Variants in CREB5 observed in about 807,000 individuals in gnomAD.
CREB5 encodes cAMP responsive element binding protein 5.
CREB5 carries 19 observed loss-of-function variants against 57.1 expected under a neutral mutation model. The ratio of observed to expected loss-of-function variants is 0.33; its 90% CI spans 0.23 to 0.49. The LOEUF is 0.49. CREB5 is among the 20% of genes least tolerant of loss of function. The pLI is 0.99. For missense variants in CREB5, 579 were observed against 671.6 expected (o/e 0.86, Z 1.52); for synonymous variants, 238 against 238.3 (o/e 1.00, Z 0.01).
intron 1 of CREB5, among the ~76,000 whole-genome samples, chr7:28,303,282 T>C (rs972639771): frequency 2.0e-5 from 3 of 152,246 alleles, no homozygotes; most frequent in African/African-American, 7.2e-5. Flanking sequence ...TTCATAGGCA[T>C]AATTTTTGAG....
At chr7:28,611,685 T>G (rs1290103959) in intron 5 of CREB5, among the ~76,000 whole-genome samples, 1 of 144,964 alleles carries the variant, frequency 6.9e-6, no homozygotes, top group East Asian at 2.1e-4. Context: ...AATAAATAAA[T>G]AAATAAATAA....
intron 1 of CREB5, among the ~76,000 whole-genome samples, chr7:28,330,726 G>A (rs373147626): frequency 9.6e-4 from 146 of 152,116 alleles, no homozygotes; most frequent in South Asian, 7.7e-3. Flanking sequence ...ATTTTCCTTC[G>A]TGGTACAAAT....
intron 4 of CREB5, among the ~76,000 whole-genome samples, chr7:28,531,559 C>A (rs980900591): frequency 6.6e-6 from 1 of 152,278 alleles, no homozygotes; most frequent in African/African-American, 2.4e-5. Flanking sequence ...TCTGTGATGA[C>A]CCTGTTGCCA....
At chr7:28,341,216 A>G (rs1227602261) in intron 1 of CREB5, among the ~76,000 whole-genome samples, 1 of 152,030 alleles carries the variant, frequency 6.6e-6, no homozygotes, top group East Asian at 1.9e-4. Flanking sequence ...CACCTCCTCT[A>G]GTTTCTACTT....
intron 1 of CREB5, among the ~76,000 whole-genome samples, chr7:28,464,496 C>CGTGTGT (rs71555745): frequency 0.071 from 9,897 of 139,508 alleles, 511 homozygotes; most frequent in African/African-American, 0.14. Flanking sequence ...TGGAAAGTTG[C>CGTGTGT]GTGTGTGTGT....
intron 1 of CREB5, among the ~76,000 whole-genome samples, chr7:28,430,258 T>G (rs1788663120): frequency 6.6e-6 from 1 of 152,212 alleles, no homozygotes; most frequent in South Asian, 2.1e-4. Context: ...ATAGTTAACA[T>G]TGCTGTGGGA....
chr7:28,633,368 CAT>C lies in CREB5; in HGVS notation c.464+62832_464+62833del, dbSNP rs757871943. Among the ~76,000 whole-genome samples the C allele has an allele frequency of 3.4e-5, 3 of 89,534 alleles. No homozygotes were observed. In the Admixed American group the frequency reaches 3.4e-4, roughly 10 times the overall value. 58.7% of individuals were successfully genotyped at this position (89,534 alleles called of 152,430 possible). On this transcript the variant is annotated intron_variant, in intron 5 of 10. Transcript: ENST00000357727. ...AGTTTAAACCAAGGATTCAATCATT[CAT>C]GTGTGTGTGTGTGTGTGTGTGTCTG...
chr7:28,719,975 G>T (rs139767526), intron 6 of CREB5, among the ~76,000 whole-genome samples: 7 of 152,154 alleles, frequency 4.6e-5, no homozygotes, highest in Non-Finnish European at 8.8e-5. Flanking sequence ...CAGGAGAATC[G>T]CTTGAACCCG....
intron 5 of CREB5, among the ~76,000 whole-genome samples, chr7:28,593,511 AG>A (rs1731847114): frequency 6.6e-6 from 1 of 152,222 alleles, no homozygotes; most frequent in South Asian, 2.1e-4. Context: ...AGCCTCCAAA[AG>A]CACTGGGATT....
chr7:28,469,499 C>T (rs1790723453), intron 1 of CREB5, among the ~76,000 whole-genome samples: 1 of 152,074 alleles, frequency 6.6e-6, no homozygotes, highest in Non-Finnish European at 1.5e-5. Context: ...TTATTTTTGC[C>T]ACATAAACAT....
chr7:28,810,471 T>C (rs1291012124), intron 9 of CREB5, among the ~76,000 whole-genome samples: 1 of 151,992 alleles, frequency 6.6e-6, no homozygotes, highest in Admixed American at 6.6e-5. Context: ...GGTGGCTGGA[T>C]CACTTGAGGT....
At chr7:28,622,797 G>C (rs1205141960) in intron 5 of CREB5, among the ~76,000 whole-genome samples, 1 of 152,042 alleles carries the variant, frequency 6.6e-6, no homozygotes, top group Non-Finnish European at 1.5e-5. Context: ...GAGGCAAAAG[G>C]ATCACTTCAG....
intron 7 of CREB5, among the ~76,000 whole-genome samples, chr7:28,773,530 G>C (rs905955676): frequency 6.8e-6 from 1 of 146,612 alleles, no homozygotes; most frequent in African/African-American, 2.5e-5. Flanking sequence ...TTGTGAGTCA[G>C]TCATATGATG....
At chr7:28,683,004 C>G (rs1447063291) in intron 5 of CREB5, among the ~76,000 whole-genome samples, 7 of 152,198 alleles carry the variant, frequency 4.6e-5, no homozygotes, top group African/African-American at 1.7e-4. Flanking sequence ...ACCACCCTCT[C>G]CCCAAGGATG....
intron 1 of CREB5, among the ~76,000 whole-genome samples, chr7:28,420,415 T>A (rs998626708): frequency 5.3e-5 from 8 of 152,222 alleles, no homozygotes; most frequent in African/African-American, 1.7e-4. Context: ...CACATAGTTG[T>A]AGTTATTTAA....
chr7:28,391,090 C>T (rs1303996660), intron 1 of CREB5, among the ~76,000 whole-genome samples: 1 of 152,156 alleles, frequency 6.6e-6, no homozygotes, highest in Non-Finnish European at 1.5e-5. Flanking sequence ...CATCCTAGCA[C>T]ATTGGCTATT....
intron 5 of CREB5, among the ~76,000 whole-genome samples, chr7:28,574,649 G>A (rs566710998): frequency 2.6e-5 from 4 of 152,242 alleles, no homozygotes; most frequent in South Asian, 2.1e-4. Flanking sequence ...TATGGGAGAC[G>A]CTTCCAAAAT....
At chr7:28,541,409 T>A (rs894738683) in intron 4 of CREB5, among the ~76,000 whole-genome samples, 2 of 152,200 alleles carry the variant, frequency 1.3e-5, no homozygotes, top group African/African-American at 4.8e-5. Flanking sequence ...GGCTCACACC[T>A]GTAATCCCAG....
At chr7:28,341,751 G>A (rs767300284) in intron 1 of CREB5, among the ~76,000 whole-genome samples, 13 of 152,182 alleles carry the variant, frequency 8.5e-5, no homozygotes, top group South Asian at 4.1e-4. Flanking sequence ...CCACACAGCC[G>A]CTTAACAATT....
Sources: allele counts gnomAD v4.1 joint callset (sites outside exome capture counted in the v4.1 genomes callset), GRCh38; gene constraint gnomAD v4.1.1; transcripts MANE v1.5; gene names NCBI Gene and HGNC (gene_info 2026-07-23, HGNC 2026-07-21).